CALB1: variants seen among roughly 807,000 people sequenced by gnomAD.
CALB1 encodes the protein calbindin.
In CALB1, 16 loss-of-function variants were observed where a neutral mutation model predicts 46.7. The observed-to-expected ratio is 0.34, with a 90% CI of 0.23 to 0.52. CALB1 has a LOEUF of 0.52. CALB1 is among the 20% of genes least tolerant of loss of function. The probability of loss-of-function intolerance (pLI) is 0.95; values close to 1 mark genes in which losing one functional copy is unlikely to be tolerated. For synonymous variants in CALB1, 90 were observed against 112.8 expected, an observed-to-expected ratio of 0.80 and a Z score of 1.28; for missense variants, 224 against 300.3, an observed-to-expected ratio of 0.75 and a Z score of 1.88.
intron 1 of CALB1, 159 bp downstream of exon 1, chr8:90,082,460 C>G: frequency 1.5e-6 from 1 of 663,466 alleles, no homozygotes; most frequent in African/African-American, 1.8e-5. Context: ...GACAGTTTGG[C>G]GGCCAGTCGG....
At chr8:90,072,092 A>T (rs1814532602) in intron 3 of CALB1, among the ~76,000 whole-genome samples, 1 of 152,186 alleles carries the variant, frequency 6.6e-6, no homozygotes, top group Admixed American at 6.5e-5. Flanking sequence ...GGATTTTTAT[A>T]ATTAGTGTGT....
chr8:90,060,860 G>C (rs963023267), intron 9 of CALB1, 160 bp from the exon 10 acceptor site: 1 of 643,412 alleles, frequency 1.6e-6, no homozygotes, highest in Non-Finnish European at 2.8e-6. Flanking sequence ...CTGCTCCAAA[G>C]CTGTAAAATA....
chr8:90,080,908 A>G (rs1814719655), intron 2 of CALB1, among the ~76,000 whole-genome samples: 1 of 152,126 alleles, frequency 6.6e-6, no homozygotes, highest in African/African-American at 2.4e-5. Context: ...GATCTGCTAT[A>G]TAATATATAC....
Position 90,063,095 on chromosome 8 carries a change from T to C in CALB1, c.600+5A>G. ...AAAAGAAAGGAAAAAGTAACAAACT[T>C]TTACCTGATCATACAGCTCAAAAGC... On this transcript the variant is annotated splice_donor_5th_base_variant and intron_variant, in intron 9 of 10. Transcript: ENST00000265431. The C allele has an allele frequency of 6.3e-7, 1 of 1,599,286 alleles. No homozygotes were observed. Among genetic ancestry groups the C allele is most frequent in the African/African-American group, 1.3e-5 (1 of 74,424 alleles).
intron 3 of CALB1, among the ~76,000 whole-genome samples, chr8:90,070,861 T>TGTGTGTGTGTGA (rs1554578989): frequency 4.0e-5 from 6 of 149,844 alleles, no homozygotes; most frequent in Non-Finnish European, 8.9e-5. Context: ...TGTGTGTGTG[T>TGTGTGTGTGTGA]GTGTGTGTGT....
At chr8:90,068,877 GA>G in intron 5 of CALB1, 120 bp downstream of exon 5, 1 of 651,086 alleles carries the variant, frequency 1.5e-6, no homozygotes. Flanking sequence ...AAGAGTAGGT[GA>G]AAATGTGACA....
At chr8:90,079,099 C>A (rs1195759930) in intron 2 of CALB1, among the ~76,000 whole-genome samples, 1 of 151,850 alleles carries the variant, frequency 6.6e-6, no homozygotes, top group Admixed American at 6.6e-5. Flanking sequence ...CCAACATAGC[C>A]CATTTAAAAT....
At chr8:90,075,095 G>A (rs1051075134) in intron 3 of CALB1, among the ~76,000 whole-genome samples, 1 of 152,144 alleles carries the variant, frequency 6.6e-6, no homozygotes. Flanking sequence ...TTTCTAAACT[G>A]TATTTGTGTG....
chr8:90,061,750 G>A (rs1814302403), intron 9 of CALB1: 1 of 152,040 alleles, frequency 6.6e-6, no homozygotes, highest in Non-Finnish European at 1.5e-5. Context: ...TTATGAATTG[G>A]AAGGCTTAAT....
At chr8:90,079,291 T>C (rs937392887) in intron 2 of CALB1, among the ~76,000 whole-genome samples, 10 of 151,968 alleles carry the variant, frequency 6.6e-5, no homozygotes, top group African/African-American at 2.4e-4. Context: ...AAGGGCTATA[T>C]TGAGACTAAA....
At chr8:90,073,026 C>A (rs1814561691) in intron 3 of CALB1, among the ~76,000 whole-genome samples, 1 of 152,106 alleles carries the variant, frequency 6.6e-6, no homozygotes, top group Non-Finnish European at 1.5e-5. Context: ...ACTTGCTTGT[C>A]TCCCCTACTA....
In CALB1 at chr8:90,078,420, C is replaced by A. The variant is rs751682653; in HGVS notation, c.184G>T (p.Val62Leu). 1.9e-6 allele frequency: 3 copies of A among 1,592,924 alleles called. No individual in the cohort carries two copies. The highest frequency in any genetic ancestry group is 2.6e-6 in the Non-Finnish European group (3 of 1,166,432). Residue 62 changes from valine to leucine, a missense_variant, in exon 3 of 11, where the codon GTG becomes TTG. Physicochemically the swap from Val to Leu is conservative, Grantham distance 32. Transcript: ENST00000265431. ...LELSPEMKTF[V>L]DQYGQRDDGK... ...TCATCTCTTTGCCCATACTGATCCACAAAAGTTTTCATTTCAGGTGATAAC... is the reference window on the plus strand; with the variant it reads ...TCATCTCTTTGCCCATACTGATCCAAAAAAGTTTTCATTTCAGGTGATAAC...
At chr8:90,072,512 A>G (rs1814549141) in intron 3 of CALB1, among the ~76,000 whole-genome samples, 1 of 152,234 alleles carries the variant, frequency 6.6e-6, no homozygotes, top group Admixed American at 6.5e-5. Context: ...TTAAGCATAT[A>G]AAAATTATTA....
intron 6 of CALB1, among the ~76,000 whole-genome samples, chr8:90,064,873 G>A (rs1814363343): frequency 6.6e-6 from 1 of 151,764 alleles, no homozygotes; most frequent in African/African-American, 2.4e-5. Context: ...TAAAGTTCTA[G>A]TAGTTCCCCC....
At chr8:90,079,843 T>G (rs1800930146) in intron 2 of CALB1, among the ~76,000 whole-genome samples, 1 of 152,022 alleles carries the variant, frequency 6.6e-6, no homozygotes, top group Non-Finnish European at 1.5e-5. Flanking sequence ...AAATTTCATG[T>G]TATTAATACG....
intron 9 of CALB1, chr8:90,061,053 G>C (rs1814288461): frequency 1.4e-5 from 3 of 213,682 alleles, no homozygotes; most frequent in African/African-American, 7.0e-5. Flanking sequence ...AGTTCTGCTA[G>C]AGCTCACAGG....
chr8:90,066,105 A>C, intron 5 of CALB1, 130 bp from the exon 6 acceptor site: 1 of 646,518 alleles, frequency 1.5e-6, no homozygotes, highest in South Asian at 1.8e-5. Flanking sequence ...GAAGCAGGTG[A>C]GTAGAGGAAC....
In CALB1 at chr8:90,066,106, G is replaced by A. The variant is rs186095981; in HGVS notation, c.373-131C>T. On this transcript the variant is annotated intron_variant, in intron 5 of 10. Coordinates refer to ENST00000265431, the MANE Select transcript of CALB1 (RefSeq NM_004929.4). ...CCTTTTGAGGGGTAGAAGCAGGTGA[G>A]TAGAGGAACTTATAATAGAAGAAAG... The A allele has an allele frequency of 1.1e-3, 691 of 635,680 alleles. 4 individuals are homozygous for A. The highest frequency in any genetic ancestry group is 5.9e-4 in the South Asian group (32 of 54,272). 39.4% of individuals were successfully genotyped at this position (635,680 alleles called of 1,614,324 possible). A position where few individuals can be genotyped will look rare whatever the true frequency, so the allele number is the denominator to read the frequency against.
In CALB1 at chr8:90,082,799, G is replaced by A. The variant is rs1586187367; in HGVS notation, c.-102C>T. On this transcript the variant is annotated 5_prime_UTR_variant, in exon 1 of 11. Coordinates refer to ENST00000265431, the MANE Select transcript of CALB1 (RefSeq NM_004929.4). ...CAGCGTGTGCGCGAGTCAGGGCTGC[G>A]GAGGGAGACCTGGGCGCGGGCGCTG... The A allele has an allele frequency of 1.1e-5, 13 of 1,166,754 alleles. No individual in the cohort carries two copies. The highest frequency in any genetic ancestry group is 8.5e-5 in the Admixed American group (5 of 58,580). 72.3% of individuals were successfully genotyped at this position (1,166,754 alleles called of 1,614,324 possible).
Sources: allele counts gnomAD v4.1 joint callset (sites outside exome capture counted in the v4.1 genomes callset), GRCh38; gene constraint gnomAD v4.1.1; transcripts MANE v1.5; gene names NCBI Gene and HGNC (gene_info 2026-07-23, HGNC 2026-07-21).